The following LRRFIP2 variants were observed in gnomAD, a reference collection of about 807,000 sequenced individuals.
LRRFIP2 encodes LRR binding FLII interacting protein 2.
In LRRFIP2, 109 loss-of-function variants were observed where a neutral mutation model predicts 125.9. That is an observed-to-expected ratio of 0.87 (90% CI 0.74 to 1.01). LRRFIP2 has a LOEUF of 1.01. Among genes scored for constraint, LRRFIP2 ranks in the 50% least tolerant of loss-of-function variants. The pLI is 0.00. For synonymous variants in LRRFIP2, 291 were observed against 293.1 expected (o/e 0.99, Z 0.07); for missense variants, 850 against 862.3 (o/e 0.99, Z 0.18).
intron 6 of LRRFIP2, 22 bp downstream of exon 6, chr3:37,121,470 G>A (rs1432250985): frequency 1.2e-6 from 2 of 1,609,068 alleles, no homozygotes; most frequent in South Asian, 1.1e-5. Flanking sequence ...TTTGTATTGT[G>A]TAGACAAGTT....
At position 37,101,386 on chromosome 3, in the gene LRRFIP2, C is replaced by T. The variant is rs1034932855; in HGVS notation, c.873+1538G>A. On this transcript the variant is annotated intron_variant, in intron 15 of 27. Coordinates refer to ENST00000336686, the MANE Select transcript of LRRFIP2 (RefSeq NM_006309.4). ...AAAAAAAAAAGAAAGAAATGTTGGC[C>T]AGAAGTGATGGCTCATGCCTGTAAT... 2.1e-4 allele frequency among the ~76,000 whole-genome samples: 31 copies of T among 150,362 alleles called. No individual in the cohort carries two copies. In the Middle Eastern group the frequency reaches 0.011, roughly 52 times the overall value.
At chr3:37,101,366 AAAAAG>A (rs1272132551) in intron 15 of LRRFIP2, among the ~76,000 whole-genome samples, 71 of 151,752 alleles carry the variant, frequency 4.7e-4, no homozygotes, top group African/African-American at 1.6e-3. Flanking sequence ...CAAAAAAAAA[AAAAAG>A]AAAGAAATGT....
In LRRFIP2 at chr3:37,108,058, G is replaced by GA. The variant is rs1385368720; in HGVS notation, c.714+14dup. ...CAAAAATTTCTACAAAGCATGCAGA[G>GA]ACTAGACAGCTCACCCCTGGACTGC... On this transcript the variant is annotated intron_variant, in intron 13 of 27. Coordinates refer to ENST00000336686, the MANE Select transcript of LRRFIP2 (RefSeq NM_006309.4). The GA allele has an allele frequency of 6.2e-7, 1 of 1,611,364 alleles. No homozygotes were observed. Among genetic ancestry groups the GA allele is most frequent in the Admixed American group, 1.7e-5 (1 of 59,924 alleles).
Position 37,053,611 on chromosome 3 carries a change from A to AT in LRRFIP2, c.*239dup. ...TAAACATGATTCTACAATTACGGAGATAAAAAATAAAAACAGCATGGACTG... is the reference window on the plus strand; with the variant it reads ...TAAACATGATTCTACAATTACGGAGATTAAAAAATAAAAACAGCATGGACTG... On this transcript the variant is annotated 3_prime_UTR_variant, in exon 28 of 28. Coordinates refer to ENST00000336686, the MANE Select transcript of LRRFIP2 (RefSeq NM_006309.4). 4.4e-6 allele frequency: 2 copies of AT among 457,728 alleles called. No homozygotes were observed. The highest frequency in any genetic ancestry group is 7.9e-6 in the Non-Finnish European group (2 of 253,730). The allele number at this position is 457,728 out of a possible 1,614,324, so 28.4% of individuals were successfully genotyped here.
At chr3:37,175,482 T>C (rs978607930), upstream of LRRFIP2, among the ~76,000 whole-genome samples, 1 of 152,218 alleles carries the variant, frequency 6.6e-6, no homozygotes, top group Non-Finnish European at 1.5e-5. Context: ...GTGGGTTTCC[T>C]TAGGTCCTCC....
chr3:37,091,683 C>CCCAA, intron 17 of LRRFIP2, 145 bp from the exon 18 acceptor site: 1 of 612,862 alleles, frequency 1.6e-6, no homozygotes. Flanking sequence ...AACTCCCACT[C>CCCAA]CCAACCACTG....
At chr3:37,174,806 T>C (rs1006748144), upstream of LRRFIP2, 2 of 152,222 alleles carry the variant, frequency 1.3e-5, no homozygotes, top group African/African-American at 4.8e-5. Flanking sequence ...GCCATCTCAT[T>C]AGGCAGATAC....
intron 16 of LRRFIP2, 151 bp downstream of exon 16, chr3:37,096,465 G>A (rs923055326): frequency 2.5e-5 from 14 of 564,518 alleles, no homozygotes; most frequent in East Asian, 1.4e-4. Flanking sequence ...ATTTAACTCC[G>A]AAGGAATTTT....
At chr3:37,171,175 G>A (rs1341173503) in intron 1 of LRRFIP2, 1 of 152,248 alleles carries the variant, frequency 6.6e-6, no homozygotes, top group Admixed American at 6.5e-5. Context: ...TGGATCCTCG[G>A]ATATACGGGC....
intron 3 of LRRFIP2, 48 bp downstream of exon 3, chr3:37,129,015 G>A: frequency 6.5e-7 from 1 of 1,530,238 alleles, no homozygotes; most frequent in Non-Finnish European, 9.1e-7. Flanking sequence ...GCCAAGTACT[G>A]ATTTTGGGGG....
chr3:37,141,757 C>T (rs879488849), intron 2 of LRRFIP2, among the ~76,000 whole-genome samples: 1 of 152,158 alleles, frequency 6.6e-6, no homozygotes, highest in Non-Finnish European at 1.5e-5. Flanking sequence ...GCCACAGGTA[C>T]AGTCTCAGTA....
At chr3:37,098,995 A>G (rs983455157) in intron 15 of LRRFIP2, among the ~76,000 whole-genome samples, 1 of 152,202 alleles carries the variant, frequency 6.6e-6, no homozygotes, top group South Asian at 2.1e-4. Flanking sequence ...TAGACTGTCC[A>G]TGGAATAATC....
chr3:37,070,090 T>C (rs2090898680), intron 21 of LRRFIP2, among the ~76,000 whole-genome samples: 2 of 151,716 alleles, frequency 1.3e-5, no homozygotes, highest in African/African-American at 2.4e-5. Context: ...GCAAAGAATA[T>C]ATAGGATCTC....
intron 15 of LRRFIP2, among the ~76,000 whole-genome samples, chr3:37,099,177 A>C (rs1349637045): frequency 6.6e-6 from 1 of 152,172 alleles, no homozygotes; most frequent in African/African-American, 2.4e-5. Context: ...TAGTTCTCTT[A>C]TTTTGGCTAC....
chr3:37,108,523 G>T lies in LRRFIP2; in HGVS notation c.657+114C>A, dbSNP rs1379890959. On this transcript the variant is annotated intron_variant, in intron 12 of 27. Transcript: ENST00000336686. The stretch of plus-strand genomic sequence containing the variant: ...AGAGTAATTCCAGGTCAGATTAAAT[G>T]ACTTTTTCTTTGTATATTTTTCTTT... The T allele has an allele frequency of 2.2e-5, 18 of 818,066 alleles. No homozygotes were observed. The Admixed American group carries it at 4.4e-4, about 20-fold the overall frequency. 50.7% of individuals were successfully genotyped at this position (818,066 alleles called of 1,614,324 possible).
At chr3:37,154,259 T>A (rs1260921074) in intron 1 of LRRFIP2, among the ~76,000 whole-genome samples, 1 of 152,320 alleles carries the variant, frequency 6.6e-6, no homozygotes, top group African/African-American at 2.4e-5. Flanking sequence ...TCATTCTGTA[T>A]CAGTGATGGA....
chr3:37,131,600 CTA>C (rs1234172170), intron 2 of LRRFIP2, among the ~76,000 whole-genome samples: 9 of 152,342 alleles, frequency 5.9e-5, no homozygotes, highest in African/African-American at 2.2e-4. Context: ...CTGATTCAGA[CTA>C]TCCCCTCTGA....
intron 14 of LRRFIP2, among the ~76,000 whole-genome samples, chr3:37,103,467 G>T (rs954396564): frequency 6.6e-6 from 1 of 152,142 alleles, no homozygotes; most frequent in Non-Finnish European, 1.5e-5. Context: ...AGTTTACACA[G>T]TTCCCCTTTT....
At chr3:37,055,048 G>T in intron 26 of LRRFIP2, 38 bp downstream of exon 26, 1 of 1,349,898 alleles carries the variant, frequency 7.4e-7, no homozygotes, top group Non-Finnish European at 1.0e-6. Flanking sequence ...ATGCAGGAAG[G>T]ACATTTAAAT....
Sources: allele counts gnomAD v4.1 joint callset (sites outside exome capture counted in the v4.1 genomes callset), GRCh38; gene constraint gnomAD v4.1.1; transcripts MANE v1.5; gene names NCBI Gene and HGNC (gene_info 2026-07-23, HGNC 2026-07-21).